KCNMB2: variants seen among roughly 807,000 people sequenced by gnomAD.
The protein encoded by KCNMB2 is potassium calcium-activated channel subfamily M regulatory beta subunit 2.
In KCNMB2, 9 loss-of-function variants were observed where a neutral mutation model predicts 24.5. That is an observed-to-expected ratio of 0.37 (90% confidence interval 0.22 to 0.64). The LOEUF is 0.64. KCNMB2 is among the 30% of genes least tolerant of loss of function. The pLI, the probability that KCNMB2 is intolerant of heterozygous loss-of-function variation, is 0.63. For missense variants in KCNMB2, 226 were observed against 284.3 expected, an observed-to-expected ratio of 0.79 and a Z score of 1.47; for synonymous variants, 109 against 104.4, an observed-to-expected ratio of 1.04 and a Z score of -0.27.
At chr3:178,682,911 T>C (rs1178677272) in intron 1 of KCNMB2, among the ~76,000 whole-genome samples, 7 of 152,160 alleles carry the variant, frequency 4.6e-5, no homozygotes, top group Non-Finnish European at 1.5e-5. Context: ...GAAATGCCTA[T>C]ACACTGTTGG....
intron 1 of KCNMB2, among the ~76,000 whole-genome samples, chr3:178,547,204 C>T (rs951674229): frequency 6.6e-6 from 1 of 152,162 alleles, no homozygotes; most frequent in Non-Finnish European, 1.5e-5. Context: ...TGCTCTCTTG[C>T]TCTTCCGCTT....
At chr3:178,787,297 T>C (rs897396660) in intron 1 of KCNMB2, among the ~76,000 whole-genome samples, 3 of 152,204 alleles carry the variant, frequency 2.0e-5, no homozygotes, top group Non-Finnish European at 4.4e-5. Context: ...TTAACTCACA[T>C]GTATATCATA....
At chr3:178,592,321 C>A (rs924392842) in intron 1 of KCNMB2, among the ~76,000 whole-genome samples, 3 of 152,110 alleles carry the variant, frequency 2.0e-5, no homozygotes, top group African/African-American at 7.2e-5. Flanking sequence ...GCAGGTGGAA[C>A]GCGAAGGTAA....
intron 1 of KCNMB2, among the ~76,000 whole-genome samples, chr3:178,630,436 G>A (rs1343509689): frequency 6.6e-6 from 1 of 152,216 alleles, no homozygotes; most frequent in Non-Finnish European, 1.5e-5. Context: ...TAATGCCAAG[G>A]TCATGGACTG....
intron 4 of KCNMB2, among the ~76,000 whole-genome samples, chr3:178,829,564 C>A (rs972696122): frequency 6.6e-6 from 1 of 152,166 alleles, no homozygotes; most frequent in South Asian, 2.1e-4. Flanking sequence ...CCAGTCCCAG[C>A]GCTGTGCTGC....
In KCNMB2 at chr3:178,633,565, C is replaced by T. The variant is rs115098647; in HGVS notation, c.-68+96854C>T. On this transcript the variant is annotated intron_variant, in intron 1 of 4. Coordinates refer to ENST00000452583, the MANE Select transcript of KCNMB2 (RefSeq NM_181361.3). ...GGGGCTGGGATGTGGGGCACCAAGG[C>T]CTGAGGCTGCACACAGTGGTCACAG... is the stretch of plus-strand genomic sequence containing the variant. Among the ~76,000 whole-genome samples the T allele has an allele frequency of 8.8e-3, 1,334 of 152,292 alleles. 18 individuals carry two copies. The highest frequency in any genetic ancestry group is 0.03 in the African/African-American group (1,260 of 41,568).
chr3:178,794,656 A>G (rs1713462503), intron 1 of KCNMB2, among the ~76,000 whole-genome samples: 1 of 152,258 alleles, frequency 6.6e-6, no homozygotes, highest in Admixed American at 6.5e-5. Context: ...AGAAGCAGTG[A>G]GCACTAAGAC....
In KCNMB2 at chr3:178,601,463, G is replaced by A. The variant is rs78100562; in HGVS notation, c.-68+64752G>A. Among the ~76,000 whole-genome samples the A allele has an allele frequency of 2.3e-3, 347 of 152,258 alleles. 2 individuals are homozygous for A. The highest frequency in any genetic ancestry group is 8.1e-3 in the African/African-American group (338 of 41,556). On this transcript the variant is annotated intron_variant, in intron 1 of 4. Coordinates refer to ENST00000452583, the MANE Select transcript of KCNMB2 (RefSeq NM_181361.3). Reference sequence around the variant, plus strand: ...ATGTGGCCCCGTGAGGGGTTTTTCAGTTGTACGAAAATAACACAAACCTCT... The same window carrying A: ...ATGTGGCCCCGTGAGGGGTTTTTCAATTGTACGAAAATAACACAAACCTCT...
Position 178,745,974 on chromosome 3 carries a change from T to C in KCNMB2, c.-67-61369T>C, listed in dbSNP as rs573484228. On this transcript the variant is annotated intron_variant, in intron 1 of 4. Coordinates refer to ENST00000452583, the MANE Select transcript of KCNMB2 (RefSeq NM_181361.3). ...ACTGGTATTGAGTATCTGTGACTTT[T>C]CCAGGTGCCAGTGCAAGCTATCAGT... Among the ~76,000 whole-genome samples the C allele has an allele frequency of 3.3e-5, 5 of 152,336 alleles. No homozygotes were observed. The East Asian group carries it at 9.6e-4, about 29-fold the overall frequency.
chr3:178,679,503 C>T (rs755661216), intron 1 of KCNMB2, among the ~76,000 whole-genome samples: 1 of 152,202 alleles, frequency 6.6e-6, no homozygotes, highest in Non-Finnish European at 1.5e-5. Flanking sequence ...CCTCTCAGAG[C>T]TTTCCAACTG....
intron 1 of KCNMB2, among the ~76,000 whole-genome samples, chr3:178,729,100 AAAAAAAG>A (rs1723059387): frequency 1.3e-5 from 2 of 152,156 alleles, no homozygotes; most frequent in African/African-American, 2.4e-5. Flanking sequence ...CAAACACTGC[AAAAAAAG>A]AAAAAAGAAA....
chr3:178,539,672 G>A (rs1046500978), intron 1 of KCNMB2, among the ~76,000 whole-genome samples: 7 of 152,054 alleles, frequency 4.6e-5, no homozygotes, highest in African/African-American at 1.4e-4. Flanking sequence ...CTTTTTCAGG[G>A]ACTGACTCCT....
At chr3:178,570,826 A>G (rs922623308) in intron 1 of KCNMB2, among the ~76,000 whole-genome samples, 1 of 152,168 alleles carries the variant, frequency 6.6e-6, no homozygotes. Context: ...GTAAGAAGAA[A>G]AGGAGCTTTG....
At chr3:178,784,874 T>TAAAA (rs67483966) in intron 1 of KCNMB2, among the ~76,000 whole-genome samples, 1 of 121,374 alleles carries the variant, frequency 8.2e-6, no homozygotes, top group Non-Finnish European at 1.7e-5. Flanking sequence ...CCTGAAGCCT[T>TAAAA]AAAAAAAAAA....
intron 2 of KCNMB2, among the ~76,000 whole-genome samples, chr3:178,809,767 G>A (rs1714113611): frequency 6.6e-6 from 1 of 152,224 alleles, no homozygotes; most frequent in Non-Finnish European, 1.5e-5. Flanking sequence ...TTCTGCATCA[G>A]TAAGATTCTA....
intron 1 of KCNMB2, among the ~76,000 whole-genome samples, chr3:178,790,306 C>A (rs1253071891): frequency 6.6e-6 from 1 of 152,080 alleles, no homozygotes; most frequent in Non-Finnish European, 1.5e-5. Flanking sequence ...CAGGGTCATG[C>A]TGGCTTTAAG....
At chr3:178,549,199 G>T (rs1162635090) in intron 1 of KCNMB2, among the ~76,000 whole-genome samples, 3 of 151,944 alleles carry the variant, frequency 2.0e-5, no homozygotes, top group Non-Finnish European at 4.4e-5. Flanking sequence ...AACCCTATTA[G>T]CATGAAGAGA....
chr3:178,551,483 C>A lies in KCNMB2; in HGVS notation c.-68+14772C>A, dbSNP rs556537367. ...TGACCTAACTATGAACCCATCACTT[C>A]GGCCTTTCGAACCTTCTTCACTAAG... On this transcript the variant is annotated intron_variant, in intron 1 of 4. Coordinates refer to ENST00000452583, the MANE Select transcript of KCNMB2 (RefSeq NM_181361.3). Among the ~76,000 whole-genome samples, 78 of 152,280 alleles carry A rather than the reference C, an allele frequency of 5.1e-4. 1 individual carries two copies. Among genetic ancestry groups the A allele is most frequent in the Admixed American group, 1.8e-3 (28 of 15,294 alleles).
intron 1 of KCNMB2, among the ~76,000 whole-genome samples, chr3:178,670,285 C>T (rs1409541456): frequency 6.6e-6 from 1 of 152,096 alleles, no homozygotes; most frequent in Non-Finnish European, 1.5e-5. Context: ...CACTGTAGGA[C>T]ATCTAGCAGC....
Sources: gnomAD v4.1 joint callset for allele counts (sites outside exome capture counted in the v4.1 genomes callset) on GRCh38, gnomAD v4.1.1 for gene constraint, MANE v1.5 for transcripts, NCBI Gene and HGNC (gene_info 2026-07-23, HGNC 2026-07-21) for gene names.